The following ZFPM2 variants were observed in gnomAD, a reference collection of about 807,000 sequenced individuals.
ZFPM2 encodes the protein zinc finger protein ZFPM2.
Under a neutral mutation model 98.6 loss-of-function variants are expected in ZFPM2, and 20 were observed. The ratio of observed to expected loss-of-function variants is 0.20; its 90% confidence interval spans 0.14 to 0.29. The LOEUF is 0.29. Among genes scored for constraint, ZFPM2 ranks in the 10% least tolerant of loss-of-function variants. The pLI, the probability that ZFPM2 is intolerant of heterozygous loss-of-function variation, is 1.00. For missense variants in ZFPM2, 1,310 were observed against 1,388.6 expected, an observed-to-expected ratio of 0.94 and a Z score of 0.90; for synonymous variants, 518 against 502.7, an observed-to-expected ratio of 1.03 and a Z score of -0.41.
chr8:105,776,332 G>T (rs1024224509), intron 5 of ZFPM2, among the ~76,000 whole-genome samples: 1 of 152,032 alleles, frequency 6.6e-6, no homozygotes, highest in Non-Finnish European at 1.5e-5. Flanking sequence ...TCTAAGTTCC[G>T]ATCAGACCTA....
intron 5 of ZFPM2, among the ~76,000 whole-genome samples, chr8:105,709,828 C>G (rs1413378558): frequency 1.3e-5 from 2 of 152,056 alleles, no homozygotes; most frequent in Non-Finnish European, 2.9e-5. Context: ...ATGTGAAACT[C>G]TCTTCTAAGG....
intron 3 of ZFPM2, among the ~76,000 whole-genome samples, chr8:105,513,277 T>C (rs1813852894): frequency 6.6e-6 from 1 of 152,250 alleles, no homozygotes; most frequent in Non-Finnish European, 1.5e-5. Flanking sequence ...CTGTCTTTTC[T>C]TATATTTATG....
intron 5 of ZFPM2, among the ~76,000 whole-genome samples, chr8:105,727,007 C>T (rs1811824970): frequency 6.6e-6 from 1 of 151,548 alleles, no homozygotes; most frequent in African/African-American, 2.4e-5. Flanking sequence ...TAAATTGAAC[C>T]AGATTATAGG....
chr8:105,783,149 T>G (rs908803033), intron 5 of ZFPM2, among the ~76,000 whole-genome samples: 3 of 151,394 alleles, frequency 2.0e-5, no homozygotes, highest in African/African-American at 7.3e-5. Context: ...AAATGGGGTT[T>G]GTTAAGTAGC....
intron 3 of ZFPM2, among the ~76,000 whole-genome samples, chr8:105,504,904 T>A (rs978418693): frequency 2.0e-5 from 3 of 151,936 alleles, no homozygotes; most frequent in Non-Finnish European, 4.4e-5. Context: ...TTCTTGTTGA[T>A]GAATTAGATA....
rs185368259 is a variant in ZFPM2, at chr8:105,552,941, C to G, written c.302-8422C>G. 4.9e-3 allele frequency among the ~76,000 whole-genome samples: 739 copies of G among 151,256 alleles called. 10 individuals are homozygous for G. The highest frequency in any genetic ancestry group is 0.017 in the African/African-American group (711 of 41,212). On this transcript the variant is annotated intron_variant, in intron 3 of 7. Coordinates refer to ENST00000407775, the MANE Select transcript of ZFPM2 (RefSeq NM_012082.4). ...CCTCCCACCTTAGCCTCCTGAGTAG[C>G]TGGGACTACAAGCTCATGCCACCAC...
At chr8:105,492,990 C>A (rs1343406361) in intron 3 of ZFPM2, among the ~76,000 whole-genome samples, 1 of 152,092 alleles carries the variant, frequency 6.6e-6, no homozygotes, top group Non-Finnish European at 1.5e-5. Flanking sequence ...TTGTCATTGA[C>A]TCAGTTTTGT....
chr8:105,792,215 T>G (rs929589515), intron 6 of ZFPM2, among the ~76,000 whole-genome samples: 1 of 152,222 alleles, frequency 6.6e-6, no homozygotes, highest in African/African-American at 2.4e-5. Flanking sequence ...CTGCTTTCTC[T>G]TGTGGGCATT....
chr8:105,731,583 G>A (rs924271739), intron 5 of ZFPM2, among the ~76,000 whole-genome samples: 6 of 151,510 alleles, frequency 4.0e-5, no homozygotes, highest in South Asian at 2.1e-4. Context: ...GTTTCTGAGC[G>A]AACTTTGTTG....
At chr8:105,422,139 G>A (rs1811807411) in intron 2 of ZFPM2, among the ~76,000 whole-genome samples, 1 of 150,378 alleles carries the variant, frequency 6.6e-6, no homozygotes, top group Admixed American at 6.6e-5. Flanking sequence ...ATGTTCCTCT[G>A]AAGAAAAGTA....
At chr8:105,574,276 T>G (rs1311119054) in intron 4 of ZFPM2, among the ~76,000 whole-genome samples, 1 of 152,198 alleles carries the variant, frequency 6.6e-6, no homozygotes, top group Non-Finnish European at 1.5e-5. Context: ...ATGGACTTAG[T>G]GCATTTATCA....
chr8:105,663,216 A>T (rs1817426238), intron 5 of ZFPM2, among the ~76,000 whole-genome samples: 1 of 152,160 alleles, frequency 6.6e-6, no homozygotes, highest in Admixed American at 6.5e-5. Context: ...GGCTTCATGG[A>T]GTTTACAGTT....
Position 105,318,923 on chromosome 8 carries a change from G to T in ZFPM2, c.-19G>T. 3 of 1,405,272 alleles carry T rather than the reference G, an allele frequency of 2.1e-6. No individual in the cohort carries two copies. The highest frequency in any genetic ancestry group is 2.8e-6 in the Non-Finnish European group (3 of 1,063,986). 87.1% of individuals were successfully genotyped at this position (1,405,272 alleles called of 1,614,324 possible). A position where few individuals can be genotyped will look rare whatever the true frequency, so the allele number is the denominator to read the frequency against. On this transcript the variant is annotated 5_prime_UTR_variant, in exon 1 of 8. Transcript: ENST00000407775. Reference sequence around the variant, plus strand: ...CCGCGGGCACCGCGGGAGCCCCAGCGGCAGCAGCCGCCGCCGAGATGTCCC... The same window carrying T: ...CCGCGGGCACCGCGGGAGCCCCAGCTGCAGCAGCCGCCGCCGAGATGTCCC...
chr8:105,700,013 C>T (rs1367526614), intron 5 of ZFPM2, among the ~76,000 whole-genome samples: 5 of 152,050 alleles, frequency 3.3e-5, no homozygotes, highest in African/African-American at 1.2e-4. Context: ...ATGATTTTGC[C>T]TACTGTGTAT....
chr8:105,341,426 A>G lies in ZFPM2; in HGVS notation c.40+22445A>G, dbSNP rs1447037456. On this transcript the variant is annotated intron_variant, in intron 1 of 7. Coordinates refer to ENST00000407775, the MANE Select transcript of ZFPM2 (RefSeq NM_012082.4). ...ACAATATATGTAATATTAACAATGTAATACTTTATTATAATACAATAACAT... is the reference window on the plus strand; with the variant it reads ...ACAATATATGTAATATTAACAATGTGATACTTTATTATAATACAATAACAT... 2.0e-5 allele frequency among the ~76,000 whole-genome samples: 3 copies of G among 151,838 alleles called. No individual in the cohort carries two copies. The East Asian group carries it at 5.8e-4, about 29-fold the overall frequency.
chr8:105,464,618 T>C (rs1812763615), intron 3 of ZFPM2, among the ~76,000 whole-genome samples: 1 of 151,810 alleles, frequency 6.6e-6, no homozygotes, highest in Non-Finnish European at 1.5e-5. Flanking sequence ...CCTCAGAAGA[T>C]GAGGGTGTAA....
At chr8:105,483,726 C>CT (rs1365536735) in intron 3 of ZFPM2, among the ~76,000 whole-genome samples, 2 of 150,718 alleles carry the variant, frequency 1.3e-5, no homozygotes, top group East Asian at 3.9e-4. Flanking sequence ...AGTCATCTGT[C>CT]TTTTCTCTTT....
intron 1 of ZFPM2, among the ~76,000 whole-genome samples, chr8:105,417,959 C>A (rs1811711146): frequency 6.6e-6 from 1 of 152,088 alleles, no homozygotes; most frequent in African/African-American, 2.4e-5. Flanking sequence ...TTAAACCCAT[C>A]CAATTATTCT....
chr8:105,468,968 T>G (rs1233207941), intron 3 of ZFPM2, among the ~76,000 whole-genome samples: 2 of 152,140 alleles, frequency 1.3e-5, no homozygotes, highest in Non-Finnish European at 2.9e-5. Context: ...AAAGCAGTTT[T>G]TTTTTTTTTA....
Sources: allele counts gnomAD v4.1 joint callset (sites outside exome capture counted in the v4.1 genomes callset), GRCh38; gene constraint gnomAD v4.1.1; transcripts MANE v1.5; gene names NCBI Gene and HGNC (gene_info 2026-07-23, HGNC 2026-07-21).